Variants in FRS2 observed in about 807,000 individuals in gnomAD.
FRS2 encodes the protein FGFR signalling adaptor.
Under a neutral mutation model 43.9 loss-of-function variants are expected in FRS2, and 8 were observed. That is an observed-to-expected ratio of 0.18 (90% CI 0.11 to 0.33). FRS2 has a LOEUF of 0.33. FRS2 is among the 10% of genes least tolerant of loss of function. FRS2 has a pLI of 1.00. For synonymous variants in FRS2, 219 were observed against 220.3 expected, an observed-to-expected ratio of 0.99 and a Z score of 0.05; for missense variants, 534 against 627.6, an observed-to-expected ratio of 0.85 and a Z score of 1.59.
chr12:69,579,539 A>G lies in FRS2; in HGVS notation c.*4584A>G, dbSNP rs920732869. 1.3e-5 allele frequency: 2 copies of G among 152,618 alleles called. No individual in the cohort carries two copies. Among genetic ancestry groups the G allele is most frequent in the African/African-American group, 4.8e-5 (2 of 41,452 alleles). 9.5% of individuals were successfully genotyped at this position (152,618 alleles called of 1,614,324 possible). On this transcript the variant is annotated 3_prime_UTR_variant, in exon 9 of 9. Transcript: ENST00000549921. ...TATACTGTCCTACAAATTATGTAAA[A>G]TATGGTTTAATATTAGATGACTTTG...
intron 3 of FRS2, among the ~76,000 whole-genome samples, chr12:69,547,416 C>T (rs1878502570): frequency 6.6e-6 from 1 of 152,054 alleles, no homozygotes; most frequent in African/African-American, 2.4e-5. Context: ...GAGCTATGGT[C>T]ACATCACTGC....
At chr12:69,505,422 G>T (rs1453196345) in intron 1 of FRS2, among the ~76,000 whole-genome samples, 1 of 152,128 alleles carries the variant, frequency 6.6e-6, no homozygotes, top group African/African-American at 2.4e-5. Context: ...TAGCAATAGG[G>T]TAAATAAGCA....
chr12:69,554,814 C>G (rs1879198544), intron 3 of FRS2, among the ~76,000 whole-genome samples: 2 of 151,966 alleles, frequency 1.3e-5, no homozygotes, highest in South Asian at 4.1e-4. Flanking sequence ...AAGCGATCCT[C>G]TCACCTCAGC....
intron 3 of FRS2, among the ~76,000 whole-genome samples, chr12:69,542,630 C>T (rs988661083): frequency 3.3e-5 from 5 of 152,154 alleles, no homozygotes; most frequent in Non-Finnish European, 5.9e-5. Flanking sequence ...CAAACTTGTA[C>T]CTTCCAACCA....
At chr12:69,518,270 T>G (rs12321119) in intron 1 of FRS2, among the ~76,000 whole-genome samples, 5 of 152,082 alleles carry the variant, frequency 3.3e-5, no homozygotes, top group Admixed American at 2.6e-4. Context: ...TTCCCACTTA[T>G]GAGAAATTAC....
intron 3 of FRS2, among the ~76,000 whole-genome samples, chr12:69,561,148 A>G (rs1879840231): frequency 6.6e-6 from 1 of 152,172 alleles, no homozygotes; most frequent in Admixed American, 6.5e-5. Context: ...AGCCAGAGAT[A>G]AAGCATGGCG....
At chr12:69,522,341 C>T (rs1263855699) in intron 1 of FRS2, among the ~76,000 whole-genome samples, 1 of 151,666 alleles carries the variant, frequency 6.6e-6, no homozygotes, top group African/African-American at 2.4e-5. Flanking sequence ...ACAGATGGTA[C>T]TAGCTCTTCT....
intron 3 of FRS2, among the ~76,000 whole-genome samples, chr12:69,547,830 C>A: frequency 9.7e-6 from 1 of 102,778 alleles, no homozygotes; most frequent in African/African-American, 3.6e-5. Flanking sequence ...TCCATTAATA[C>A]TTTTTTTTTT....
chr12:69,571,426 C>T lies in FRS2; in HGVS notation c.404C>T (p.Thr135Ile), dbSNP rs778811008. 1 of 1,611,336 alleles carries T rather than the reference C, an allele frequency of 6.2e-7. No individual in the cohort carries two copies. The highest frequency in any genetic ancestry group is 8.5e-7 in the Non-Finnish European group (1 of 1,178,360). Residue 135 changes from threonine to isoleucine, a missense_variant, in exon 7 of 9, where the codon ACA (threonine) becomes ATA (isoleucine). Physicochemically the swap from Thr to Ile is moderately conservative, Grantham distance 89 (BLOSUM62 -1). Around this residue, in one of 3 missense-constraint regions of FRS2, gnomAD observed 446 missense variants for 494.2 expected, o/e 0.90. Coordinates refer to ENST00000549921, the MANE Select transcript of FRS2 (RefSeq NM_001278356.2). ...TELEVPRTPR[T>I]PTTPGFAAQN... is the part of the protein sequence containing the mutation. ...TTGGAAGTCCCTAGAACACCTCGAACACCTACAAGTAAGTACCCCTTTTCC... is the reference window on the plus strand; with the variant it reads ...TTGGAAGTCCCTAGAACACCTCGAATACCTACAAGTAAGTACCCCTTTTCC...
rs996816753 is a variant in FRS2 at position 69,569,207 on chromosome 12, C to G, written c.66+111C>G. ...TTTATCACCAAACCTTTCTATTTCC[C>G]TTTCTTTCCACCCTGTCTTTCTTGA... On this transcript the variant is annotated intron_variant, in intron 5 of 8. Transcript: ENST00000549921. 3 of 587,982 alleles carry G rather than the reference C, an allele frequency of 5.1e-6. No homozygotes were observed. The African/African-American group carries it at 5.7e-5, about 11-fold the overall frequency. 36.4% of individuals were successfully genotyped at this position (587,982 alleles called of 1,614,324 possible). A position where few individuals can be genotyped will look rare whatever the true frequency, so the allele number is the denominator to read the frequency against.
At chr12:69,531,701 TAGAA>T (rs1167275562) in intron 2 of FRS2, among the ~76,000 whole-genome samples, 2 of 151,982 alleles carry the variant, frequency 1.3e-5, no homozygotes, top group Non-Finnish European at 2.9e-5. Context: ...CATCAAGTCT[TAGAA>T]AGAGTATAAA....
At chr12:69,572,968 T>C (rs1880888424) in intron 8 of FRS2, among the ~76,000 whole-genome samples, 1 of 152,100 alleles carries the variant, frequency 6.6e-6, no homozygotes, top group Non-Finnish European at 1.5e-5. Flanking sequence ...GTAGCTGGGA[T>C]TACAGGCGCA....
chr12:69,568,412 C>G (rs1385510404), intron 4 of FRS2, among the ~76,000 whole-genome samples: 2 of 152,098 alleles, frequency 1.3e-5, no homozygotes, highest in Admixed American at 1.3e-4. Context: ...AAAGAACAAG[C>G]CAGGTCTGGT....
chr12:69,491,579 C>CAATCATA lies in FRS2; in HGVS notation c.-261+21049_-261+21050insAATCATA, dbSNP rs1872499915. On this transcript the variant is annotated intron_variant, in intron 1 of 8. Transcript: ENST00000549921. Reference sequence around the variant, plus strand: ...GCAGTGTCACAATCATAGCTCACCACGGTCTTGAACTCCTGGGCTCAAGCG... The same window carrying CAATCATA: ...GCAGTGTCACAATCATAGCTCACCACAATCATAGGTCTTGAACTCCTGGGCTCAAGCG... 4 of 143,374 alleles carry CAATCATA rather than the reference C, an allele frequency of 2.8e-5. No individual in the cohort carries two copies. The South Asian group carries it at 6.8e-4, about 24-fold the overall frequency. The allele number at this position is 143,374 out of a possible 1,614,324, so 8.9% of individuals were successfully genotyped here.
intron 3 of FRS2, among the ~76,000 whole-genome samples, chr12:69,553,307 A>G (rs2135743971): frequency 6.6e-6 from 1 of 152,140 alleles, no homozygotes; most frequent in South Asian, 2.1e-4. Context: ...TGCTCACCTC[A>G]TGATCCGCCT....
chr12:69,485,483 A>G (rs1269629643), intron 1 of FRS2, among the ~76,000 whole-genome samples: 1 of 150,526 alleles, frequency 6.6e-6, no homozygotes, highest in Non-Finnish European at 1.5e-5. Context: ...CGCCCAGCCT[A>G]TTTATTTATT....
At chr12:69,507,638 C>T (rs1874063678) in intron 1 of FRS2, among the ~76,000 whole-genome samples, 1 of 152,104 alleles carries the variant, frequency 6.6e-6, no homozygotes, top group African/African-American at 2.4e-5. Flanking sequence ...TAAGCATTTT[C>T]CTTTTCTGGA....
intron 3 of FRS2, among the ~76,000 whole-genome samples, chr12:69,561,723 T>A (rs1186193216): frequency 6.6e-6 from 1 of 152,166 alleles, no homozygotes; most frequent in African/African-American, 2.4e-5. Flanking sequence ...GGGGGATGGA[T>A]TTTGAAGACA....
At chr12:69,543,917 A>G (rs539049507) in intron 3 of FRS2, among the ~76,000 whole-genome samples, 1 of 152,196 alleles carries the variant, frequency 6.6e-6, no homozygotes, top group East Asian at 1.9e-4. Flanking sequence ...TCTCATAGAG[A>G]CCATTGAAAA....
Sources: allele counts gnomAD v4.1 joint callset (sites outside exome capture counted in the v4.1 genomes callset), GRCh38; gene constraint gnomAD v4.1.1; regional missense constraint gnomAD v4.1.1; transcripts MANE v1.5; gene names NCBI Gene and HGNC (gene_info 2026-07-23, HGNC 2026-07-21).